WWOX: variants seen among roughly 807,000 people sequenced by gnomAD.
WWOX encodes WW domain-containing oxidoreductase.
A neutral mutation model predicts 46.2 loss-of-function variants in WWOX; 69 were observed. That is an observed-to-expected ratio of 1.49 (90% CI 1.23 to 1.82). The LOEUF (loss-of-function observed/expected upper bound fraction) is 1.82, where lower values mean the gene tolerates loss of function less well. WWOX is among the 40% of genes most tolerant of loss of function. The pLI is 0.00. For missense variants in WWOX, 919 were observed against 542.6 expected (o/e 1.69, Z -6.89); for synonymous variants, 359 against 202.6 (o/e 1.77, Z -6.56).
At chr16:78,585,004 G>A (rs1418196357) in intron 8 of WWOX, among the ~76,000 whole-genome samples, 1 of 152,340 alleles carries the variant, frequency 6.6e-6, no homozygotes, top group East Asian at 1.9e-4. Flanking sequence ...GAAAGGCCGA[G>A]ATGACCGCTT....
At chr16:79,031,903 T>TCTAG (rs1248207977) in intron 8 of WWOX, among the ~76,000 whole-genome samples, 664 of 22,864 alleles carry the variant, frequency 0.029, 6 homozygotes, top group African/African-American at 0.081. Context: ...CAGATATCTA[T>TCTAG]ATATATAGAT....
At chr16:79,143,978 C>T (rs1427108575) in intron 8 of WWOX, among the ~76,000 whole-genome samples, 1 of 152,174 alleles carries the variant, frequency 6.6e-6, no homozygotes, top group Non-Finnish European at 1.5e-5. Flanking sequence ...AGTCATAGCT[C>T]ACTGCAATCT....
At chr16:78,191,120 T>C (rs1032961913) in intron 5 of WWOX, among the ~76,000 whole-genome samples, 2 of 152,200 alleles carry the variant, frequency 1.3e-5, no homozygotes, top group African/African-American at 2.4e-5. Flanking sequence ...ATGATGCCGC[T>C]GGACCACTGG....
intron 8 of WWOX, chr16:78,691,393 C>A: frequency 1.5e-6 from 1 of 663,312 alleles, no homozygotes; most frequent in South Asian, 1.7e-5. Flanking sequence ...AGTTGGCCTA[C>A]AGGGTGCTTT....
intron 5 of WWOX, among the ~76,000 whole-genome samples, chr16:78,240,378 C>T (rs577912683): frequency 1.3e-5 from 2 of 152,196 alleles, no homozygotes; most frequent in East Asian, 1.9e-4. Context: ...GGAGAAGGCT[C>T]TGTGAAGTCA....
intron 8 of WWOX, among the ~76,000 whole-genome samples, chr16:78,725,862 C>G (rs1317097705): frequency 6.6e-6 from 1 of 152,018 alleles, no homozygotes; most frequent in African/African-American, 2.4e-5. Flanking sequence ...TCCAATCTGC[C>G]TTTGTCGCTG....
chr16:78,823,705 T>C (rs2051568948), intron 8 of WWOX, among the ~76,000 whole-genome samples: 2 of 152,154 alleles, frequency 1.3e-5, no homozygotes, highest in South Asian at 4.1e-4. Flanking sequence ...GAGCCTGAGC[T>C]GATATGCATG....
chr16:78,432,383 G>T, intron 7 of WWOX, 105 bp from the exon 8 acceptor site: 1 of 1,475,474 alleles, frequency 6.8e-7, no homozygotes, highest in Non-Finnish European at 9.3e-7. Flanking sequence ...TCGGATTACA[G>T]ATGTGAGCCA....
chr16:78,766,774 C>CT (rs1407347698), intron 8 of WWOX, among the ~76,000 whole-genome samples: 1 of 152,122 alleles, frequency 6.6e-6, no homozygotes, highest in Non-Finnish European at 1.5e-5. Flanking sequence ...GTGACCTTTA[C>CT]TTTTTTTATT....
intron 8 of WWOX, among the ~76,000 whole-genome samples, chr16:78,606,028 T>G (rs1039578390): frequency 6.6e-6 from 1 of 152,178 alleles, no homozygotes. Context: ...AAATATATAC[T>G]AGTTAGGAGA....
At chr16:78,807,842 A>G (rs1446335066) in intron 8 of WWOX, among the ~76,000 whole-genome samples, 1 of 152,260 alleles carries the variant, frequency 6.6e-6, no homozygotes, top group African/African-American at 2.4e-5. Context: ...TAACATTTGT[A>G]AAAATCACTT....
At chr16:78,949,149 T>C (rs1164910155) in intron 8 of WWOX, among the ~76,000 whole-genome samples, 3 of 152,124 alleles carry the variant, frequency 2.0e-5, no homozygotes, top group African/African-American at 7.2e-5. Context: ...ATAACCTGAA[T>C]AGGTTTGGCA....
intron 8 of WWOX, among the ~76,000 whole-genome samples, chr16:79,035,896 A>G (rs954992167): frequency 6.6e-6 from 1 of 152,270 alleles, no homozygotes; most frequent in Non-Finnish European, 1.5e-5. Flanking sequence ...CACCCAGCCA[A>G]GAATTCAGCT....
chr16:78,505,424 C>A (rs972770428), intron 8 of WWOX, among the ~76,000 whole-genome samples: 1 of 152,180 alleles, frequency 6.6e-6, no homozygotes, highest in African/African-American at 2.4e-5. Context: ...ATGGAAGAGA[C>A]TGGAGAAAGC....
At chr16:78,317,048 C>T (rs562862483) in intron 5 of WWOX, among the ~76,000 whole-genome samples, 7 of 152,230 alleles carry the variant, frequency 4.6e-5, no homozygotes, top group East Asian at 1.9e-4. Context: ...GAAGCCTGCA[C>T]AGTAAGTAGG....
At chr16:78,458,858 CTG>C (rs1425417111) in intron 8 of WWOX, among the ~76,000 whole-genome samples, 8 of 152,038 alleles carry the variant, frequency 5.3e-5, no homozygotes, top group Non-Finnish European at 1.0e-4. Context: ...GGACAGGAGA[CTG>C]TGGGATGATT....
intron 8 of WWOX, among the ~76,000 whole-genome samples, chr16:78,901,084 A>C (rs1188416959): frequency 1.3e-5 from 2 of 152,192 alleles, no homozygotes; most frequent in Non-Finnish European, 2.9e-5. Context: ...ACACATCTAG[A>C]AGTTCCGGTT....
chr16:78,830,778 C>T lies in WWOX; in HGVS notation c.1057-380830C>T, dbSNP rs8045635. Among the ~76,000 whole-genome samples, 604 of 151,804 alleles carry T rather than the reference C, an allele frequency of 4.0e-3. 3 individuals are homozygous for T. Among genetic ancestry groups the T allele is most frequent in the African/African-American group, 0.014 (572 of 41,416 alleles). ...AGGGAACATCTGAGCAGCTCAGGGCCCCCTGGGAGTCAGAGCGTTCCCTCC... is the reference window on the plus strand; with the variant it reads ...AGGGAACATCTGAGCAGCTCAGGGCTCCCTGGGAGTCAGAGCGTTCCCTCC... On this transcript the variant is annotated intron_variant, in intron 8 of 8. Transcript: ENST00000566780.
chr16:78,617,403 A>C (rs1221306554), intron 8 of WWOX, among the ~76,000 whole-genome samples: 1 of 12,712 alleles, frequency 7.9e-5, no homozygotes, highest in East Asian at 2.1e-3. Context: ...CCTTGTATCC[A>C]AAAAAAAAAA....
Sources: allele counts gnomAD v4.1 joint callset (sites outside exome capture counted in the v4.1 genomes callset), GRCh38; gene constraint gnomAD v4.1.1; transcripts MANE v1.5; gene names NCBI Gene and HGNC (gene_info 2026-07-23, HGNC 2026-07-21).